The following FLT1 variants were observed in gnomAD, a reference collection of about 807,000 sequenced individuals.
FLT1 encodes fms related receptor tyrosine kinase 1, also known as vascular endothelial growth factor receptor 1.
A neutral mutation model predicts 156.3 loss-of-function variants in FLT1; 49 were observed. The observed-to-expected ratio is 0.31, with a 90% CI of 0.25 to 0.40. The LOEUF is 0.40. FLT1 is among the 10% of genes least tolerant of loss of function. The probability of loss-of-function intolerance (pLI) is 1.00; values close to 1 mark genes in which losing one functional copy is unlikely to be tolerated. For synonymous variants in FLT1, 594 were observed against 583.8 expected, an observed-to-expected ratio of 1.02 and a Z score of -0.25; for missense variants, 1,322 against 1,637.2, an observed-to-expected ratio of 0.81 and a Z score of 3.32.
rs554412564 is a variant in FLT1 at position 28,375,898 on chromosome 13, GA to G, written c.2116+8986del. On this transcript the variant is annotated intron_variant, in intron 14 of 29. Transcript: ENST00000282397. ...CCGTAAGGATAGATTTCATGAGAAG[GA>G]AAAGGCAACTACAACTCAAGTTTTG... 2.4e-3 allele frequency among the ~76,000 whole-genome samples: 370 copies of G among 152,338 alleles called. 2 individuals carry two copies. Among genetic ancestry groups the G allele is most frequent in the Admixed American group, 3.5e-3 (54 of 15,300 alleles).
chr13:28,406,387 C>T (rs1191816635), intron 10 of FLT1, among the ~76,000 whole-genome samples: 2 of 152,124 alleles, frequency 1.3e-5, no homozygotes, highest in African/African-American at 2.4e-5. Flanking sequence ...TAAATTCAGT[C>T]TCTCTCTGCT....
At chr13:28,448,026 C>G (rs368971554) in intron 3 of FLT1, among the ~76,000 whole-genome samples, 4 of 152,186 alleles carry the variant, frequency 2.6e-5, no homozygotes, top group African/African-American at 9.6e-5. Flanking sequence ...ACATCATAAG[C>G]CATCATGGAA....
intron 14 of FLT1, among the ~76,000 whole-genome samples, chr13:28,359,098 A>G (rs1358520466): frequency 6.6e-6 from 1 of 152,208 alleles, no homozygotes; most frequent in African/African-American, 2.4e-5. Flanking sequence ...CAATATAGAA[A>G]AGTTGAGAAA....
At chr13:28,494,723 C>T in intron 1 of FLT1, 57 bp downstream of exon 1, 4 of 1,394,160 alleles carry the variant, frequency 2.9e-6, no homozygotes, top group Non-Finnish European at 3.9e-6. Flanking sequence ...GGAGGCTCTG[C>T]CCTCCGGCCG....
chr13:28,474,507 C>CACACACACACACACACACACACAG (rs1193451656), intron 1 of FLT1, among the ~76,000 whole-genome samples: 29 of 150,696 alleles, frequency 1.9e-4, no homozygotes, highest in African/African-American at 7.2e-4. Context: ...CACACACACA[C>CACACACACACACACACACACACAG]ACACACACAC....
chr13:28,429,575 A>T (rs1478592077), intron 8 of FLT1, among the ~76,000 whole-genome samples: 1 of 152,190 alleles, frequency 6.6e-6, no homozygotes, highest in Non-Finnish European at 1.5e-5. Flanking sequence ...TCTTCAAATG[A>T]GTAAGTCTTG....
At chr13:28,438,422 G>A in intron 3 of FLT1, 77 bp from the exon 4 acceptor site, 1 of 1,138,468 alleles carries the variant, frequency 8.8e-7, no homozygotes, top group East Asian at 2.4e-5. Flanking sequence ...AGCTAGTGTG[G>A]TATGGTAGGC....
chr13:28,398,650 C>T (rs905240027), intron 11 of FLT1, among the ~76,000 whole-genome samples: 20 of 152,152 alleles, frequency 1.3e-4, no homozygotes, highest in Admixed American at 1.3e-3. Flanking sequence ...CTTAATTACA[C>T]CTACCCATAT....
At chr13:28,354,975 A>C (rs970913699) in intron 15 of FLT1, among the ~76,000 whole-genome samples, 1 of 152,230 alleles carries the variant, frequency 6.6e-6, no homozygotes, top group Non-Finnish European at 1.5e-5. Flanking sequence ...CTTTTCAGAA[A>C]AGCATAACAT....
intron 1 of FLT1, among the ~76,000 whole-genome samples, chr13:28,474,008 G>A (rs1261369753): frequency 1.3e-5 from 2 of 152,060 alleles, no homozygotes; most frequent in African/African-American, 2.4e-5. Context: ...CAGAGAAAAC[G>A]TCATGTAAGC....
In FLT1 at chr13:28,302,504, A is replaced by C. The variant is rs772314442; in HGVS notation, c.*663T>G. On this transcript the variant is annotated 3_prime_UTR_variant, in exon 30 of 30. Coordinates refer to ENST00000282397, the MANE Select transcript of FLT1 (RefSeq NM_002019.4). ...TTTTCTTGCCTCCCAGAATCCAGAA[A>C]ATGTCCCCTCATCGCTGTCCATCTG... 13 of 233,230 alleles carry C rather than the reference A, an allele frequency of 5.6e-5. No homozygotes were observed. The highest frequency in any genetic ancestry group is 1.0e-4 in the Non-Finnish European group (12 of 118,106). The allele number at this position is 233,230 out of a possible 1,614,324, so 14.4% of individuals were successfully genotyped here. A position where few individuals can be genotyped will look rare whatever the true frequency, so the allele number is the denominator to read the frequency against.
Position 28,386,305 on chromosome 13 carries a change from A to C in FLT1, c.1970-1274T>G, listed in dbSNP as rs1482099268. Reference sequence around the variant, plus strand: ...TTTGTTAAAGCAATTTAGAAATCCCAGGTTAAAATGTATATTATCACATAA... The same window carrying C: ...TTTGTTAAAGCAATTTAGAAATCCCCGGTTAAAATGTATATTATCACATAA... On this transcript the variant is annotated intron_variant, in intron 13 of 29. Transcript: ENST00000282397. 3 of 1,033,548 alleles carry C rather than the reference A, an allele frequency of 2.9e-6. No individual in the cohort carries two copies. The African/African-American group carries it at 5.0e-5, about 17-fold the overall frequency. 64.0% of individuals were successfully genotyped at this position (1,033,548 alleles called of 1,614,324 possible). A position where few individuals can be genotyped will look rare whatever the true frequency, so the allele number is the denominator to read the frequency against.
In FLT1 at chr13:28,438,297, A is replaced by C. The variant is rs756967111; in HGVS notation, c.437T>G (p.Ile146Arg). 6.2e-7 allele frequency: 1 copy of C among 1,612,500 alleles called. No individual in the cohort carries two copies. The highest frequency in any genetic ancestry group is 1.3e-5 in the African/African-American group (1 of 74,888). ...GAGCTCCCTTCCTTCAGTCATGTGT[A>C]TAATTTCGGGGATTTCACTGTACAT... ...VEMYSEIPEI[I>R]HMTEGRELVI... Residue 146 changes from isoleucine to arginine, a missense_variant, in exon 4 of 30, where the codon ATA (isoleucine) becomes AGA (arginine). Physicochemically the swap from Ile to Arg is moderately conservative, Grantham distance 97. Around this residue, in one of 3 missense-constraint regions of FLT1, gnomAD observed 991 missense variants for 1,254.8 expected, o/e 0.79. Transcript: ENST00000282397.
chr13:28,467,656 GTCT>G (rs1438357743), intron 1 of FLT1, 39 bp from the exon 2 acceptor site: 2 of 1,141,758 alleles, frequency 1.8e-6, no homozygotes, highest in South Asian at 2.7e-5. Context: ...TTTGTAAATT[GTCT>G]TCTTACCTTT....
At chr13:28,345,775 C>T in intron 15 of FLT1, 1 of 461,986 alleles carries the variant, frequency 2.2e-6, no homozygotes. Flanking sequence ...ACATAATGAA[C>T]TCACATAGAA....
intron 14 of FLT1, among the ~76,000 whole-genome samples, chr13:28,374,269 G>C (rs1014899600): frequency 6.6e-6 from 1 of 151,866 alleles, no homozygotes; most frequent in African/African-American, 2.4e-5. Flanking sequence ...AAAAAAAATA[G>C]CTGGGTATGG....
At chr13:28,379,838 T>C (rs1340228677) in intron 14 of FLT1, among the ~76,000 whole-genome samples, 1 of 152,176 alleles carries the variant, frequency 6.6e-6, no homozygotes, top group Admixed American at 6.5e-5. Context: ...AGTTTTTTCC[T>C]GAAAGGAAAT....
At chr13:28,488,629 G>A (rs576133421) in intron 1 of FLT1, among the ~76,000 whole-genome samples, 3 of 152,246 alleles carry the variant, frequency 2.0e-5, no homozygotes, top group South Asian at 2.1e-4. Flanking sequence ...AGTGTGGGCC[G>A]GGATGGGGGT....
chr13:28,374,542 C>T (rs1873760104), intron 14 of FLT1, among the ~76,000 whole-genome samples: 1 of 151,670 alleles, frequency 6.6e-6, no homozygotes, highest in Non-Finnish European at 1.5e-5. Context: ...GATGGAGTCT[C>T]GCTCTGTCGC....
Sources: gnomAD v4.1 joint callset for allele counts (sites outside exome capture counted in the v4.1 genomes callset) on GRCh38, gnomAD v4.1.1 for gene constraint, gnomAD v4.1.1 regional missense constraint, MANE v1.5 for transcripts, NCBI Gene and HGNC (gene_info 2026-07-23, HGNC 2026-07-21) for gene names.